The following ST7 variants were observed in gnomAD, a reference collection of about 807,000 sequenced individuals.
The protein encoded by ST7 is suppressor of tumorigenicity 7 protein.
In ST7, 28 loss-of-function variants were observed where a neutral mutation model predicts 78.7. The ratio of observed to expected loss-of-function variants is 0.36; its 90% CI spans 0.26 to 0.49. ST7 has a LOEUF of 0.49. Among genes scored for constraint, ST7 ranks in the 20% least tolerant of loss-of-function variants. The probability of loss-of-function intolerance (pLI) is 0.99; values close to 1 mark genes in which losing one functional copy is unlikely to be tolerated. For synonymous variants in ST7, 247 were observed against 249.6 expected, an observed-to-expected ratio of 0.99 and a Z score of 0.10; for missense variants, 418 against 696.0, an observed-to-expected ratio of 0.60 and a Z score of 4.49.
intron 1 of ST7, among the ~76,000 whole-genome samples, chr7:116,988,359 A>G (rs540514492): frequency 3.9e-5 from 6 of 152,262 alleles, no homozygotes; most frequent in African/African-American, 1.4e-4. Flanking sequence ...TTAAAATGAC[A>G]CTGAGGGATA....
intron 9 of ST7, among the ~76,000 whole-genome samples, chr7:117,162,011 G>A (rs1234078745): frequency 6.6e-6 from 1 of 152,150 alleles, no homozygotes. Flanking sequence ...AACAGATATA[G>A]TGTACTTATT....
intron 1 of ST7, among the ~76,000 whole-genome samples, chr7:117,074,146 G>A (rs764061624): frequency 3.3e-5 from 5 of 152,042 alleles, no homozygotes; most frequent in East Asian, 1.9e-4. Context: ...ATCCCAGCAC[G>A]TTGGGAGGCC....
At chr7:117,175,289 A>G (rs1368577798) in intron 10 of ST7, among the ~76,000 whole-genome samples, 1 of 152,246 alleles carries the variant, frequency 6.6e-6, no homozygotes, top group African/African-American at 2.4e-5. Context: ...AGCCGTTGCA[A>G]AAGTTCTTAC....
chr7:117,176,946 C>T (rs541355272), intron 10 of ST7, among the ~76,000 whole-genome samples: 2 of 152,096 alleles, frequency 1.3e-5, no homozygotes, highest in South Asian at 2.1e-4. Context: ...TCCCTGGGCT[C>T]GCTGTTACGG....
intron 9 of ST7, among the ~76,000 whole-genome samples, chr7:117,145,029 A>G (rs1485258107): frequency 2.0e-5 from 3 of 152,066 alleles, no homozygotes; most frequent in African/African-American, 4.8e-5. Flanking sequence ...GTAAAACCCC[A>G]TCTCTACTAA....
At chr7:117,086,466 C>A (rs772934283) in intron 1 of ST7, among the ~76,000 whole-genome samples, 14 of 152,120 alleles carry the variant, frequency 9.2e-5, no homozygotes, top group Non-Finnish European at 1.6e-4. Context: ...AAATTTCTTT[C>A]TTTTTCCTTC....
chr7:117,200,084 A>G (rs1364878974), intron 12 of ST7, among the ~76,000 whole-genome samples: 1 of 152,176 alleles, frequency 6.6e-6, no homozygotes, highest in Non-Finnish European at 1.5e-5. Context: ...TACCACACAC[A>G]GGCCTCCACT....
intron 1 of ST7, among the ~76,000 whole-genome samples, chr7:117,077,011 C>T (rs1799394650): frequency 6.6e-6 from 1 of 152,100 alleles, no homozygotes; most frequent in Non-Finnish European, 1.5e-5. Flanking sequence ...ATGAAAGTGG[C>T]TCTCAGTGGA....
intron 1 of ST7, among the ~76,000 whole-genome samples, chr7:116,977,217 C>T (rs1483309189): frequency 6.6e-6 from 1 of 152,170 alleles, no homozygotes; most frequent in Non-Finnish European, 1.5e-5. Context: ...AATTTTCTTT[C>T]CATGTAATAA....
intron 2 of ST7, among the ~76,000 whole-genome samples, chr7:117,114,893 T>C (rs1329427366): frequency 1.3e-5 from 2 of 152,208 alleles, no homozygotes; most frequent in Non-Finnish European, 2.9e-5. Flanking sequence ...CAGGTAAATA[T>C]GAGACAAGTT....
chr7:117,123,612 C>T (rs1340195562), intron 3 of ST7, among the ~76,000 whole-genome samples: 1 of 152,074 alleles, frequency 6.6e-6, no homozygotes, highest in Non-Finnish European at 1.5e-5. Context: ...TCTGATAAAC[C>T]CTGCTGATAT....
rs546495713 is a variant in ST7, at chr7:117,019,499, C to T, written c.151+65808C>T. ...ACAGAGGTATACACAGGTGTGTGCACACAGCCTTAAAATGACTGAGTTGCT... is the reference window on the plus strand; with the variant it reads ...ACAGAGGTATACACAGGTGTGTGCATACAGCCTTAAAATGACTGAGTTGCT... On this transcript the variant is annotated intron_variant, in intron 1 of 15. Coordinates refer to ENST00000323984, the MANE Select transcript of ST7 (RefSeq NM_001369598.1). Among the ~76,000 whole-genome samples, 38 of 152,250 alleles carry T rather than the reference C, an allele frequency of 2.5e-4. No homozygotes were observed. In the East Asian group the frequency reaches 7.1e-3, roughly 29 times the overall value.
At chr7:117,007,208 A>G (rs1167558155) in intron 1 of ST7, among the ~76,000 whole-genome samples, 1 of 152,228 alleles carries the variant, frequency 6.6e-6, no homozygotes, top group Non-Finnish European at 1.5e-5. Flanking sequence ...TATGGATGCG[A>G]GGGAAAAATT....
In ST7 at chr7:117,129,160, A is replaced by T. The variant is rs189433952; in HGVS notation, c.395-633A>T. Among the ~76,000 whole-genome samples, 36 of 151,986 alleles carry T rather than the reference A, an allele frequency of 2.4e-4. 1 individual carries two copies. The highest frequency in any genetic ancestry group is 7.9e-4 in the Admixed American group (12 of 15,226). On this transcript the variant is annotated intron_variant, in intron 3 of 15. Transcript: ENST00000323984. ...CCTATTAGGATGTGCTAACATGATG[A>T]TATTAGTATGATGATTAGTATATGT...
chr7:117,120,284 A>G (rs1489903361), intron 3 of ST7, among the ~76,000 whole-genome samples: 1 of 152,146 alleles, frequency 6.6e-6, no homozygotes, highest in Non-Finnish European at 1.5e-5. Context: ...CAGTGTTCCC[A>G]ACCTGATGCT....
At chr7:117,018,361 A>G (rs377696334) in intron 1 of ST7, among the ~76,000 whole-genome samples, 1 of 152,240 alleles carries the variant, frequency 6.6e-6, no homozygotes, top group South Asian at 2.1e-4. Flanking sequence ...TTACATTTCA[A>G]CATCATTATT....
intron 12 of ST7, chr7:117,191,684 A>T (rs1338217962): frequency 6.6e-6 from 1 of 152,126 alleles, no homozygotes; most frequent in Non-Finnish European, 1.5e-5. Flanking sequence ...GGGAGGAAAA[A>T]AAGTAGCTGA....
intron 1 of ST7, among the ~76,000 whole-genome samples, chr7:117,038,500 T>G (rs1797015625): frequency 6.6e-6 from 1 of 152,188 alleles, no homozygotes; most frequent in African/African-American, 2.4e-5. Flanking sequence ...GGGATTGATT[T>G]TGGTTCTGCC....
chr7:117,132,659 T>C (rs1804459166), intron 6 of ST7, among the ~76,000 whole-genome samples: 1 of 151,384 alleles, frequency 6.6e-6, no homozygotes, highest in Admixed American at 6.6e-5. Flanking sequence ...GGTTACAGAA[T>C]CTTCTTCAGA....
Sources: allele counts gnomAD v4.1 joint callset (sites outside exome capture counted in the v4.1 genomes callset), GRCh38; gene constraint gnomAD v4.1.1; transcripts MANE v1.5; gene names NCBI Gene and HGNC (gene_info 2026-07-23, HGNC 2026-07-21).